CNP: variants seen among roughly 807,000 people sequenced by gnomAD.
CNP encodes 2',3'-cyclic nucleotide 3' phosphodiesterase.
Under a neutral mutation model 37.9 loss-of-function variants are expected in CNP, and 8 were observed. That is an observed-to-expected ratio of 0.21 (90% CI 0.12 to 0.38). The LOEUF is 0.38. Among genes scored for constraint, CNP ranks in the 10% least tolerant of loss-of-function variants. The pLI is 1.00. For synonymous variants in CNP, 237 were observed against 238.3 expected (o/e 0.99, Z 0.05); for missense variants, 457 against 551.0 (o/e 0.83, Z 1.71).
At position 41,977,535 on chromosome 17, in the gene CNP, TCTC is replaced by T. The variant is rs1555645183; in HGVS notation, c.*3614_*3616del. ...ATCCCACTCCTAGGACATGTTCCCT[TCTC>T]CTTCCAACTGCTGCCCCAAAGGAAG... On this transcript the variant is annotated 3_prime_UTR_variant, in exon 4 of 4. Coordinates refer to ENST00000393892, the MANE Select transcript of CNP (RefSeq NM_033133.5). 6.8e-6 allele frequency: 3 copies of T among 439,704 alleles called. No homozygotes were observed. Among genetic ancestry groups the T allele is most frequent in the African/African-American group, 6.0e-5 (3 of 49,632 alleles). 27.2% of individuals were successfully genotyped at this position (439,704 alleles called of 1,614,324 possible).
intron 1 of CNP, chr17:41,967,731 C>A: frequency 9.2e-7 from 1 of 1,084,796 alleles, no homozygotes; most frequent in East Asian, 6.1e-5. Context: ...CAGAGACCCC[C>A]ACCTCCAAAG....
In CNP at chr17:41,977,376, A is replaced by G. The variant is rs1439167152; in HGVS notation, c.*3452A>G. 9.1e-5 allele frequency: 134 copies of G among 1,479,652 alleles called. No homozygotes were observed. The East Asian group carries it at 3.2e-3, about 36-fold the overall frequency. The allele number at this position is 1,479,652 out of a possible 1,614,324, so 91.7% of individuals were successfully genotyped here. ...GGGAAGAAAAGGTGAAAAATTAGAA[A>G]TGTTCGAAGAGAACTGATGACACTG... is the stretch of plus-strand genomic sequence containing the variant. On this transcript the variant is annotated 3_prime_UTR_variant, in exon 4 of 4. Transcript: ENST00000393892.
At chr17:41,970,641 A>G (rs1300499303) in intron 2 of CNP, 1 of 152,106 alleles carries the variant, frequency 6.6e-6, no homozygotes, top group African/African-American at 2.4e-5. Context: ...TCAATTTCCC[A>G]AATTGCCGGG....
In CNP at chr17:41,973,791, G is replaced by A. The variant is rs1479074785; in HGVS notation, c.1133G>A (p.Gly378Glu). The A allele has an allele frequency of 1.2e-6, 2 of 1,612,606 alleles. No individual in the cohort carries two copies. The highest frequency in any genetic ancestry group is 8.5e-7 in the Non-Finnish European group (1 of 1,179,330). ...GGCAAGCTCTATTCCTTGGGCAATG[G>A]GCGCTGGATGCTGACCCTGGCCAAG... ...SRGKLYSLGN[G>E]RWMLTLAKNM... The change falls in exon 4 of 4, where the codon GGG becomes GAG. Residue 378 changes from glycine to glutamate, a missense_variant. By Grantham distance (98) the Gly-to-Glu change is moderately conservative (BLOSUM62 -2). This residue lies in a region of CNP where 291 missense variants were observed against 291.7 expected (regional missense o/e 1.00). Coordinates refer to ENST00000393892, the MANE Select transcript of CNP (RefSeq NM_033133.5).
intron 3 of CNP, among the ~76,000 whole-genome samples, chr17:41,972,431 C>G (rs1192680962): frequency 1.3e-5 from 2 of 152,168 alleles, no homozygotes; most frequent in Admixed American, 1.3e-4. Context: ...GGTCTGAGGT[C>G]TGGCCTGGCC....
Position 41,968,828 on chromosome 17 carries a change from A to T in CNP, c.676+88A>T, listed in dbSNP as rs111437741. 0.021 allele frequency: 29,449 copies of T among 1,393,636 alleles called. 344 individuals carry two copies. Among genetic ancestry groups the T allele is most frequent in the Non-Finnish European group, 0.024 (25,086 of 1,043,684 alleles). 86.3% of individuals were successfully genotyped at this position (1,393,636 alleles called of 1,614,324 possible). A position where few individuals can be genotyped will look rare whatever the true frequency, so the allele number is the denominator to read the frequency against. ...GACCATCATTGTACTCAAAGGATGGAGCACGAAGCAGCAGGAGGCAGAGAG... is the reference window on the plus strand; with the variant it reads ...GACCATCATTGTACTCAAAGGATGGTGCACGAAGCAGCAGGAGGCAGAGAG... On this transcript the variant is annotated intron_variant, in intron 2 of 3. Coordinates refer to ENST00000393892, the MANE Select transcript of CNP (RefSeq NM_033133.5). This position sits in a 1 kb window ranked among gnomAD's most constrained non-coding sequence, Gnocchi z 4.8.
chr17:41,967,971 T>C, intron 1 of CNP, 97 bp from the exon 2 acceptor site: 1 of 1,522,528 alleles, frequency 6.6e-7, no homozygotes, highest in Non-Finnish European at 8.8e-7. Context: ...ACTGCCCCGC[T>C]TGGGAAGGCA....
chr17:41,969,251 G>A (rs554211397), intron 2 of CNP, among the ~76,000 whole-genome samples: 28 of 152,164 alleles, frequency 1.8e-4, no homozygotes, highest in African/African-American at 6.0e-4. Context: ...CTCAGGCCTC[G>A]GACTGCTCAA....
intron 3 of CNP, 82 bp downstream of exon 3, chr17:41,972,113 G>C (rs1374885566): frequency 2.6e-6 from 4 of 1,539,686 alleles, no homozygotes; most frequent in Non-Finnish European, 3.5e-6. Flanking sequence ...ATAGGTACCG[G>C]TGCCAGGCAG....
Position 41,968,494 on chromosome 17 carries a change from C to G in CNP, c.430C>G (p.Gln144Glu). 2 of 1,614,142 alleles carry G rather than the reference C, an allele frequency of 1.2e-6. No individual in the cohort carries two copies. Among genetic ancestry groups the G allele is most frequent in the Non-Finnish European group, 1.7e-6 (2 of 1,180,028 alleles). The change falls in exon 2 of 4, where the codon CAG becomes GAG. Residue 144 changes from glutamine (Q) to glutamate (E), a missense_variant. Gln to Glu is a conservative substitution (Grantham distance 29, BLOSUM62 2). Coordinates refer to ENST00000393892, the MANE Select transcript of CNP (RefSeq NM_033133.5). This position sits in a 1 kb window ranked among gnomAD's most constrained non-coding sequence, Gnocchi z 4.8. ...TGAAATGGCCGACCAGTACCAGTAC[C>G]AGGTGGTGCTGGTGGAGCCCAAGAC... ...LFEMADQYQY[Q>E]VVLVEPKTAW...
At position 41,973,870 on chromosome 17, in the gene CNP, G is replaced by A; in HGVS notation, c.1212G>A (p.Val404=). Residue 404 remains valine (V), a synonymous_variant, in exon 4 of 4, where the codon GTG becomes GTA. Transcript: ENST00000393892. The stretch of plus-strand genomic sequence containing the variant: ...GGTACTACGGGAAAGGCAAACCTGT[G>A]CCCACGCAAGGTAGCCGGAAGGGGG... The part of the protein sequence containing the change: ...FTGYYGKGKP[V]PTQGSRKGGA... The A allele has an allele frequency of 6.3e-7, 1 of 1,582,054 alleles. No homozygotes were observed. Among genetic ancestry groups the A allele is most frequent in the Non-Finnish European group, 8.6e-7 (1 of 1,162,460 alleles).
chr17:41,967,866 C>A, intron 1 of CNP: 1 of 1,406,890 alleles, frequency 7.1e-7, no homozygotes, highest in Non-Finnish European at 9.2e-7. Flanking sequence ...GGGGAAAGCG[C>A]ACGCTTAGGA....
intron 2 of CNP, chr17:41,970,389 T>C (rs2050968094): frequency 1.4e-5 from 2 of 147,378 alleles, no homozygotes; most frequent in Admixed American, 1.4e-4. Flanking sequence ...GACAGGATGA[T>C]TGCCAGATCT....
chr17:41,973,837 C>A lies in CNP; in HGVS notation c.1179C>A (p.Ile393=), dbSNP rs1555644256. ...CCAAGAACATGGAGGTCAGGGCCAT[C>A]TTCACGGGGTACTACGGGAAAGGCA... is the stretch of plus-strand genomic sequence containing the variant. ...TLAKNMEVRA[I]FTGYYGKGKP... Residue 393 remains isoleucine, a synonymous_variant, in exon 4 of 4, where the codon ATC becomes ATA. Transcript: ENST00000393892. The A allele has an allele frequency of 1.2e-6, 2 of 1,608,966 alleles. No individual in the cohort carries two copies.
At position 41,977,473 on chromosome 17, in the gene CNP, G is replaced by A. The variant is rs1555645170; in HGVS notation, c.*3549G>A. The A allele has an allele frequency of 3.0e-6, 2 of 672,734 alleles. No individual in the cohort carries two copies. The highest frequency in any genetic ancestry group is 2.6e-6 in the Non-Finnish European group (1 of 392,062). 41.7% of individuals were successfully genotyped at this position (672,734 alleles called of 1,614,324 possible). ...TCCCAACACTTCAGACTGCAAGTGA[G>A]CAAACCTGCCCCATCCCGTGCAAAA... is the stretch of plus-strand genomic sequence containing the variant. On this transcript the variant is annotated 3_prime_UTR_variant, in exon 4 of 4. Coordinates refer to ENST00000393892, the MANE Select transcript of CNP (RefSeq NM_033133.5).
chr17:41,973,480 A>G lies in CNP; in HGVS notation c.822A>G (p.Leu274=). The change falls in exon 4 of 4, where the codon TTA becomes TTG. Residue 274 remains leucine, a synonymous_variant. Transcript: ENST00000393892. ...GAEEYAQQDV[L]KKSYSKAFTL... The stretch of plus-strand genomic sequence containing the variant: ...CTCTTTCTCACTCTCCCCAGGTGTT[A>G]AAGAAATCTTACTCCAAGGCCTTCA... 1 of 1,613,384 alleles carries G rather than the reference A, an allele frequency of 6.2e-7. No homozygotes were observed. The highest frequency in any genetic ancestry group is 8.5e-7 in the Non-Finnish European group (1 of 1,179,578).
Position 41,973,644 on chromosome 17 carries a change from C to T in CNP, c.986C>T (p.Ala329Val). 2.5e-6 allele frequency: 4 copies of T among 1,614,114 alleles called. No homozygotes were observed. Among genetic ancestry groups the T allele is most frequent in the Non-Finnish European group, 3.4e-6 (4 of 1,180,034 alleles). Residue 329 changes from alanine to valine, a missense_variant, in exon 4 of 4, where the codon GCC (alanine) becomes GTC (valine). By Grantham distance (64) the Ala-to-Val change is moderately conservative (BLOSUM62 0). Coordinates refer to ENST00000393892, the MANE Select transcript of CNP (RefSeq NM_033133.5). ...GACAACCTGCCGCGGGGGAGCCGCG[C>T]CCACATCACCCTCGGCTGTGCAGCT... ...PTDNLPRGSR[A>V]HITLGCAADV...
intron 2 of CNP, chr17:41,970,994 A>C (rs1211986520): frequency 6.6e-6 from 1 of 152,192 alleles, no homozygotes; most frequent in Non-Finnish European, 1.5e-5. Context: ...CAAGGTGTGT[A>C]TTAAACTGAT....
In CNP at chr17:41,974,094, C is replaced by T; in HGVS notation, c.*170C>T. ...AACTGACCCTCCCTTCCTGTCCGCC[C>T]TCTTCCCCTCTAATGCTCACGCTCC... On this transcript the variant is annotated 3_prime_UTR_variant, in exon 4 of 4. Coordinates refer to ENST00000393892, the MANE Select transcript of CNP (RefSeq NM_033133.5). 1 of 548,808 alleles carries T rather than the reference C, an allele frequency of 1.8e-6. No homozygotes were observed. The highest frequency in any genetic ancestry group is 4.2e-5 in the South Asian group (1 of 23,950). 34.0% of individuals were successfully genotyped at this position (548,808 alleles called of 1,614,324 possible).
Sources: gnomAD v4.1 joint callset for allele counts (sites outside exome capture counted in the v4.1 genomes callset) on GRCh38, gnomAD v4.1.1 for gene constraint, gnomAD v4.1.1 regional missense constraint, Gnocchi (gnomAD v3.1) non-coding constraint, MANE v1.5 for transcripts, NCBI Gene and HGNC (gene_info 2026-07-23, HGNC 2026-07-21) for gene names.